The following TYR variants were observed in gnomAD, a reference collection of about 807,000 sequenced individuals.
TYR encodes the protein tyrosinase, also known as LB24-AB.
A neutral mutation model predicts 51.5 loss-of-function variants in TYR; 58 were observed. That is an observed-to-expected ratio of 1.13 (90% CI 0.91 to 1.40). The LOEUF (loss-of-function observed/expected upper bound fraction) is 1.40, where lower values mean the gene tolerates loss of function less well. Among genes scored for constraint, TYR ranks in the 40% most tolerant of loss-of-function variants. The pLI is 0.00. For synonymous variants in TYR, 263 were observed against 235.2 expected, an observed-to-expected ratio of 1.12 and a Z score of -1.08; for missense variants, 732 against 647.4, an observed-to-expected ratio of 1.13 and a Z score of -1.42.
At chr11:89,290,000 G>T (rs1487212423) in intron 4 of TYR, among the ~76,000 whole-genome samples, 1 of 151,940 alleles carries the variant, frequency 6.6e-6, no homozygotes, top group South Asian at 2.1e-4. Flanking sequence ...TAGTTTAATC[G>T]CTCCAGGCAG....
At chr11:89,236,366 T>G (rs1168553239) in intron 3 of TYR, among the ~76,000 whole-genome samples, 2 of 152,160 alleles carry the variant, frequency 1.3e-5, no homozygotes, top group African/African-American at 4.8e-5. Flanking sequence ...AATGTCATTC[T>G]GTAGATATAT....
At chr11:89,254,561 T>A (rs540451352) in intron 3 of TYR, among the ~76,000 whole-genome samples, 1 of 151,968 alleles carries the variant, frequency 6.6e-6, no homozygotes, top group Admixed American at 6.6e-5. Context: ...GAGGGTTGTG[T>A]ATTTCCAGGA....
In TYR at chr11:89,249,537, G is replaced by A. The variant is rs529825347; in HGVS notation, c.1184+21567G>A. 1.3e-4 allele frequency among the ~76,000 whole-genome samples: 20 copies of A among 151,184 alleles called. No individual in the cohort carries two copies. The South Asian group carries it at 2.9e-3, about 22-fold the overall frequency. On this transcript the variant is annotated intron_variant, in intron 3 of 4. Coordinates refer to ENST00000263321, the MANE Select transcript of TYR (RefSeq NM_000372.5). ...ACTCTTAAGAGATCCATAAAATGAGGAGAGAAAAGTACTTGTTGGGTCTGA... is the reference window on the plus strand; with the variant it reads ...ACTCTTAAGAGATCCATAAAATGAGAAGAGAAAAGTACTTGTTGGGTCTGA...
chr11:89,194,895 C>A (rs908595298), intron 2 of TYR, among the ~76,000 whole-genome samples: 2 of 152,134 alleles, frequency 1.3e-5, no homozygotes, highest in African/African-American at 4.8e-5. Context: ...CATCTTGTAC[C>A]TACAATGCTC....
intron 3 of TYR, among the ~76,000 whole-genome samples, chr11:89,269,223 C>G (rs746195379): frequency 6.6e-6 from 1 of 151,898 alleles, no homozygotes; most frequent in Non-Finnish European, 1.5e-5. Flanking sequence ...AGGGGTGAGG[C>G]TTTGAAGGCC....
At chr11:89,182,638 T>C (rs1234406504) in intron 1 of TYR, among the ~76,000 whole-genome samples, 1 of 152,240 alleles carries the variant, frequency 6.6e-6, no homozygotes, top group East Asian at 1.9e-4. Context: ...TCCTAATTCA[T>C]GTCTGTTGTT....
At chr11:89,288,284 A>T (rs1361634986) in intron 4 of TYR, among the ~76,000 whole-genome samples, 2 of 152,002 alleles carry the variant, frequency 1.3e-5, no homozygotes, top group Non-Finnish European at 2.9e-5. Flanking sequence ...GAGACTCAGA[A>T]AGATAAAGTG....
chr11:89,238,866 A>G (rs528233155), intron 3 of TYR, among the ~76,000 whole-genome samples: 1 of 152,252 alleles, frequency 6.6e-6, no homozygotes, highest in East Asian at 1.9e-4. Context: ...TGATCATGTG[A>G]TTTTTCACAA....
chr11:89,243,391 G>A (rs1179746335), intron 3 of TYR, among the ~76,000 whole-genome samples: 1 of 152,084 alleles, frequency 6.6e-6, no homozygotes. Flanking sequence ...TATAAGTCAA[G>A]AGGTAGTTCA....
chr11:89,206,390 G>C (rs1005820790), intron 2 of TYR, among the ~76,000 whole-genome samples: 1 of 151,964 alleles, frequency 6.6e-6, no homozygotes, highest in Non-Finnish European at 1.5e-5. Flanking sequence ...ACAATTATTG[G>C]AGTAAGAGAG....
intron 2 of TYR, among the ~76,000 whole-genome samples, chr11:89,195,828 A>T (rs1943512116): frequency 6.6e-6 from 1 of 152,174 alleles, no homozygotes; most frequent in Non-Finnish European, 1.5e-5. Flanking sequence ...ATTTTCTCTC[A>T]TGAAACTCTC....
intron 2 of TYR, among the ~76,000 whole-genome samples, chr11:89,217,922 C>T (rs1469734217): frequency 6.6e-6 from 1 of 152,020 alleles, no homozygotes; most frequent in Non-Finnish European, 1.5e-5. Flanking sequence ...TGGTATTTCC[C>T]AAAAATTTAT....
chr11:89,277,441 T>C (rs1944668582), intron 3 of TYR, among the ~76,000 whole-genome samples: 1 of 151,836 alleles, frequency 6.6e-6, no homozygotes, highest in East Asian at 2.0e-4. Context: ...CCAGATTCTC[T>C]TGTATTTTCA....
At chr11:89,183,691 T>C (rs1435385517) in intron 1 of TYR, among the ~76,000 whole-genome samples, 1 of 152,092 alleles carries the variant, frequency 6.6e-6, no homozygotes, top group Non-Finnish European at 1.5e-5. Context: ...TTTATATGGC[T>C]TGTTTAGGAT....
chr11:89,274,029 G>A (rs1300393731), intron 3 of TYR, among the ~76,000 whole-genome samples: 10 of 151,718 alleles, frequency 6.6e-5, no homozygotes, highest in Non-Finnish European at 1.3e-4. Context: ...TAAGAGTTAG[G>A]ACTTAAAAAT....
intron 2 of TYR, among the ~76,000 whole-genome samples, chr11:89,207,188 G>A (rs961945814): frequency 9.9e-5 from 15 of 152,110 alleles, no homozygotes; most frequent in African/African-American, 3.6e-4. Context: ...ACAAGCAGCT[G>A]GTTTTTGGGA....
chr11:89,273,797 T>G (rs1483974993), intron 3 of TYR, among the ~76,000 whole-genome samples: 1 of 151,870 alleles, frequency 6.6e-6, no homozygotes, highest in Non-Finnish European at 1.5e-5. Flanking sequence ...GATCAAAGTG[T>G]CACCAGGGTT....
At chr11:89,284,979 A>C (rs1173098257) in intron 4 of TYR, 25 bp downstream of exon 4, 3 of 1,595,996 alleles carry the variant, frequency 1.9e-6, no homozygotes, top group Non-Finnish European at 2.6e-6. Context: ...CTTTCAGAGG[A>C]ATTGCTGAAT....
At chr11:89,257,200 C>A (rs894174806) in intron 3 of TYR, among the ~76,000 whole-genome samples, 3 of 151,800 alleles carry the variant, frequency 2.0e-5, no homozygotes, top group African/African-American at 7.3e-5. Context: ...CCCCAGTATC[C>A]CAAAGTGGAA....
Sources: allele counts gnomAD v4.1 joint callset (sites outside exome capture counted in the v4.1 genomes callset), GRCh38; gene constraint gnomAD v4.1.1; transcripts MANE v1.5; gene names NCBI Gene and HGNC (gene_info 2026-07-23, HGNC 2026-07-21).